Variants in KIF13A observed in about 807,000 individuals in gnomAD.
KIF13A encodes kinesin-like protein KIF13A.
A neutral mutation model predicts 212.2 loss-of-function variants in KIF13A; 79 were observed. The ratio of observed to expected loss-of-function variants is 0.37; its 90% CI spans 0.31 to 0.45. The LOEUF is 0.45. KIF13A is among the 20% of genes least tolerant of loss of function. The pLI, the probability that KIF13A is intolerant of heterozygous loss-of-function variation, is 1.00. For missense variants in KIF13A, 1,901 were observed against 2,209.0 expected (o/e 0.86, Z 2.79); for synonymous variants, 789 against 808.6 (o/e 0.98, Z 0.41).
chr6:17,866,828 CATATAT>C (rs60217235), intron 4 of KIF13A, among the ~76,000 whole-genome samples: 2,601 of 21,576 alleles, frequency 0.12, 42 homozygotes, highest in Non-Finnish European at 0.14. Context: ...AAAAGCAGCG[CATATAT>C]ATATATATAT....
chr6:17,759,715 G>T (rs910473903), downstream of KIF13A: 40 of 152,278 alleles, frequency 2.6e-4, no homozygotes, highest in African/African-American at 9.4e-4. Flanking sequence ...ACATGGTAAA[G>T]GGTGAACCAT....
chr6:17,775,918 G>A (rs1759928529), intron 34 of KIF13A, among the ~76,000 whole-genome samples: 1 of 151,668 alleles, frequency 6.6e-6, no homozygotes, highest in Non-Finnish European at 1.5e-5. Context: ...TTTCACTCTT[G>A]TTGCCCAGGC....
At chr6:17,780,645 A>G (rs571190207) in intron 31 of KIF13A, 85 bp downstream of exon 31, 33 of 1,306,010 alleles carry the variant, frequency 2.5e-5, no homozygotes, top group Non-Finnish European at 2.4e-5. Context: ...ACATCACAGC[A>G]CCAAAAAACA....
At position 17,976,233 on chromosome 6, in the gene KIF13A, A is replaced by G. The variant is rs190642478; in HGVS notation, c.146+10821T>C. On this transcript the variant is annotated intron_variant, in intron 2 of 38. Coordinates refer to ENST00000259711, the MANE Select transcript of KIF13A (RefSeq NM_022113.6). ...TCGATGGGACTGGGCGCGGTGGAGA[A>G]GGGGCCGGCGCTCGTCAGGGAGGCT... Among the ~76,000 whole-genome samples, 1,181 of 152,304 alleles carry G rather than the reference A, an allele frequency of 7.8e-3. 16 individuals are homozygous for G. The highest frequency in any genetic ancestry group is 0.027 in the African/African-American group (1,126 of 41,570).
intron 33 of KIF13A, among the ~76,000 whole-genome samples, 199 bp downstream of exon 33, chr6:17,778,748 G>C (rs1370348230): frequency 6.6e-6 from 1 of 152,122 alleles, no homozygotes; most frequent in East Asian, 1.9e-4. Context: ...CTCAGTGCTT[G>C]GCAAGTAGGG....
rs1227565480 is a variant in KIF13A at position 17,785,634 on chromosome 6, T to G, written c.3369A>C (p.Thr1123=). ...IKKVSNKTEK[T]EDDVEREAQL... is the part of the protein sequence containing the mutation. ...GGGCTTCCCGCTCCACATCGTCCTC[T>G]GTTTTCTCTGCAGAAAAAAATGAGG... Residue 1123 remains threonine, a synonymous_variant, in exon 28 of 39, where the codon ACA becomes ACC. Coordinates refer to ENST00000259711, the MANE Select transcript of KIF13A (RefSeq NM_022113.6). The surrounding 1 kb of genome is among the most constrained non-coding windows in gnomAD (Gnocchi z 5.8). The G allele has an allele frequency of 1.5e-5, 24 of 1,603,910 alleles. No individual in the cohort carries two copies. Among genetic ancestry groups the G allele is most frequent in the Non-Finnish European group, 2.0e-5 (24 of 1,175,418 alleles).
chr6:17,794,808 T>C lies in KIF13A; in HGVS notation c.2943-104A>G. 8.4e-7 allele frequency: 1 copy of C among 1,193,882 alleles called. No individual in the cohort carries two copies. The highest frequency in any genetic ancestry group is 2.4e-5 in the East Asian group (1 of 41,824). 74.0% of individuals were successfully genotyped at this position (1,193,882 alleles called of 1,614,324 possible). ...TGAGCACTTACTATGTGCTAGGCAC[T>C]GTGCCATTTATCTTGTATAAGTTAC... On this transcript the variant is annotated intron_variant, in intron 23 of 38. Transcript: ENST00000259711. The surrounding 1 kb of genome is among the most constrained non-coding windows in gnomAD (Gnocchi z 4.1).
chr6:17,777,428 G>T lies in KIF13A; in HGVS notation c.4093-74C>A. Reference sequence around the variant, plus strand: ...AGACAGAGTCTCACTCTGTTGCCCAGGCTGGAGTGTAGTGATGCGATCTCT... The same window carrying T: ...AGACAGAGTCTCACTCTGTTGCCCATGCTGGAGTGTAGTGATGCGATCTCT... On this transcript the variant is annotated intron_variant, in intron 33 of 38. Coordinates refer to ENST00000259711, the MANE Select transcript of KIF13A (RefSeq NM_022113.6). This position sits in a 1 kb window ranked among gnomAD's most constrained non-coding sequence, Gnocchi z 4.4. 8.0e-7 allele frequency: 1 copy of T among 1,244,048 alleles called. No homozygotes were observed. The highest frequency in any genetic ancestry group is 1.5e-5 in the African/African-American group (1 of 66,574). 77.1% of individuals were successfully genotyped at this position (1,244,048 alleles called of 1,614,324 possible).
rs756978744 is a variant in KIF13A at position 17,775,055 on chromosome 6, G to A, written c.4178C>T (p.Ser1393Phe). 3.7e-6 allele frequency: 6 copies of A among 1,611,350 alleles called. No homozygotes were observed. The highest frequency in any genetic ancestry group is 5.1e-6 in the Non-Finnish European group (6 of 1,178,562). Residue 1393 changes from serine (S) to phenylalanine (F), a missense_variant, in exon 35 of 39, where the codon TCC becomes TTC. Around this residue, in one of 5 missense-constraint regions of KIF13A, gnomAD observed 687 missense variants for 759.1 expected, o/e 0.90. Transcript: ENST00000259711. ...AAAGCCAGAAAGGTCCGGTCGGCTGGAAGAGACCTATAAGAGAAGAATGGT... is the reference window on the plus strand; with the variant it reads ...AAAGCCAGAAAGGTCCGGTCGGCTGAAAGAGACCTATAAGAGAAGAATGGT... ...LSTPNVHNVSSSRPDLSGFDE... is the reference protein window; with the variant it reads ...LSTPNVHNVSFSRPDLSGFDE...
intron 17 of KIF13A, among the ~76,000 whole-genome samples, chr6:17,810,892 A>T (rs1246925230): frequency 6.6e-6 from 1 of 152,198 alleles, no homozygotes; most frequent in African/African-American, 2.4e-5. Context: ...GACACAGATG[A>T]AGCTTCGCTT....
Position 17,772,033 on chromosome 6 carries a change from A to C in KIF13A, c.4351T>G (p.Leu1451Val), listed in dbSNP as rs1330691192. Reference sequence around the variant, plus strand: ...AATGCTTTAAAAGGGCTGACGGTTAAGGCATGAGGAGTCTCTGATGTACAA... The same window carrying C: ...AATGCTTTAAAAGGGCTGACGGTTACGGCATGAGGAGTCTCTGATGTACAA... ...EGCTSETPHA[L>V]TVSPFKAFSP... Residue 1451 changes from leucine to valine, a missense_variant, in exon 37 of 39, where the codon TTA becomes GTA. Leu to Val is a conservative substitution (Grantham distance 32, BLOSUM62 1). Transcript: ENST00000259711. The surrounding 1 kb of genome is among the most constrained non-coding windows in gnomAD (Gnocchi z 4.8). 4 of 1,613,944 alleles carry C rather than the reference A, an allele frequency of 2.5e-6. No homozygotes were observed. Among genetic ancestry groups the C allele is most frequent in the South Asian group, 1.1e-5 (1 of 91,078 alleles).
At chr6:17,845,211 C>T (rs548957380) in intron 9 of KIF13A, among the ~76,000 whole-genome samples, 1 of 152,008 alleles carries the variant, frequency 6.6e-6, no homozygotes, top group Non-Finnish European at 1.5e-5. Context: ...TGAGGGAAAC[C>T]GCTCCCATGA....
intron 4 of KIF13A, among the ~76,000 whole-genome samples, chr6:17,860,940 T>C (rs914666634): frequency 2.6e-5 from 4 of 152,066 alleles, no homozygotes; most frequent in Admixed American, 2.6e-4. Flanking sequence ...CAAATCACTT[T>C]TTTACTAATA....
chr6:17,903,124 G>A (rs1401812646), intron 2 of KIF13A, among the ~76,000 whole-genome samples: 2 of 152,166 alleles, frequency 1.3e-5, no homozygotes, highest in Non-Finnish European at 1.5e-5. Context: ...AATTGAACGG[G>A]ATGTTAACAA....
rs111387037 is a variant in KIF13A, at chr6:17,821,552, GGTGTGTGTGTGT to G, written c.1786+4204_1786+4215del. Among the ~76,000 whole-genome samples the G allele has an allele frequency of 5.4e-5, 6 of 112,094 alleles. No individual in the cohort carries two copies. In the South Asian group the frequency reaches 1.1e-3, roughly 20 times the overall value. The allele number at this position is 112,094 out of a possible 152,430, so 73.5% of individuals were successfully genotyped here. On this transcript the variant is annotated intron_variant, in intron 16 of 38. Coordinates refer to ENST00000259711, the MANE Select transcript of KIF13A (RefSeq NM_022113.6). ...TGGGAGGCAAATGGAATTGGGACATGGTGTGTGTGTGTGTGTGTGTGTGTGTGTGTGTGTGTT... is the reference window on the plus strand; with the variant it reads ...TGGGAGGCAAATGGAATTGGGACATGGTGTGTGTGTGTGTGTGTGTGTGTT...
chr6:17,985,799 G>A (rs890802091), intron 2 of KIF13A, among the ~76,000 whole-genome samples: 1 of 152,038 alleles, frequency 6.6e-6, no homozygotes, highest in East Asian at 1.9e-4. Flanking sequence ...ACAACATTCA[G>A]TACAATGTAC....
chr6:17,893,931 C>T (rs1772317577), intron 3 of KIF13A, among the ~76,000 whole-genome samples: 1 of 149,702 alleles, frequency 6.7e-6, no homozygotes, highest in Admixed American at 6.7e-5. Flanking sequence ...CCTCTGCTTC[C>T]CGGGTTCAAG....
In KIF13A at chr6:17,969,970, C is replaced by T. The variant is rs973146214; in HGVS notation, c.146+17084G>A. Among the ~76,000 whole-genome samples, 5 of 151,652 alleles carry T rather than the reference C, an allele frequency of 3.3e-5. No individual in the cohort carries two copies. The South Asian group carries it at 1.0e-3, about 32-fold the overall frequency. On this transcript the variant is annotated intron_variant, in intron 2 of 38. Transcript: ENST00000259711. ...CGGAGTCTCGCTCTTTCACCCAGGCCGGAGTGCAGTGGCGCGATCTCGGCT... is the reference window on the plus strand; with the variant it reads ...CGGAGTCTCGCTCTTTCACCCAGGCTGGAGTGCAGTGGCGCGATCTCGGCT...
intron 13 of KIF13A, among the ~76,000 whole-genome samples, chr6:17,830,599 G>A (rs1206370357): frequency 6.6e-6 from 1 of 152,134 alleles, no homozygotes; most frequent in African/African-American, 2.4e-5. Context: ...GGTGATTATG[G>A]GACCAAAAGT....
Sources: allele counts gnomAD v4.1 joint callset (sites outside exome capture counted in the v4.1 genomes callset), GRCh38; gene constraint gnomAD v4.1.1; regional missense constraint gnomAD v4.1.1; non-coding constraint Gnocchi (gnomAD v3.1); transcripts MANE v1.5; gene names NCBI Gene and HGNC (gene_info 2026-07-23, HGNC 2026-07-21).